TRAPPC9: variants seen among roughly 807,000 people sequenced by gnomAD.
The protein encoded by TRAPPC9 is trafficking protein particle complex subunit 9, also known as IKK2 binding protein.
TRAPPC9 carries 83 observed loss-of-function variants against 124.0 expected under a neutral mutation model. The ratio of observed to expected loss-of-function variants is 0.67; its 90% confidence interval spans 0.56 to 0.80. TRAPPC9 has a LOEUF of 0.80. TRAPPC9 is among the 30% of genes least tolerant of loss of function. TRAPPC9 has a pLI of 0.00. For synonymous variants in TRAPPC9, 638 were observed against 617.5 expected (o/e 1.03, Z -0.49); for missense variants, 1,302 against 1,508.3 (o/e 0.86, Z 2.27).
chr8:139,760,550 T>C (rs1201412793), intron 21 of TRAPPC9, among the ~76,000 whole-genome samples: 1 of 152,230 alleles, frequency 6.6e-6, no homozygotes, highest in Non-Finnish European at 1.5e-5. Context: ...CATTTCCTCA[T>C]TCATTTCTGC....
At chr8:140,019,656 G>A (rs908702642) in intron 18 of TRAPPC9, among the ~76,000 whole-genome samples, 6 of 143,560 alleles carry the variant, frequency 4.2e-5, no homozygotes, top group South Asian at 2.3e-4. Flanking sequence ...GGGTTCAAGC[G>A]ATTCTCATGC....
intron 17 of TRAPPC9, among the ~76,000 whole-genome samples, chr8:140,086,562 C>T (rs1844196568): frequency 1.3e-5 from 2 of 152,136 alleles, no homozygotes; most frequent in Admixed American, 6.5e-5. Context: ...CTGCTCCACC[C>T]GTCTCTTCCA....
At chr8:139,743,633 T>C (rs533165644) in intron 21 of TRAPPC9, among the ~76,000 whole-genome samples, 1 of 152,306 alleles carries the variant, frequency 6.6e-6, no homozygotes, top group Admixed American at 6.5e-5. Context: ...CCTCTTTAGA[T>C]GAAGCAAAAT....
intron 21 of TRAPPC9, among the ~76,000 whole-genome samples, chr8:139,821,472 G>C (rs577450106): frequency 6.6e-6 from 1 of 152,162 alleles, no homozygotes; most frequent in African/African-American, 2.4e-5. Flanking sequence ...GCAGGACCCC[G>C]CTTCTGTAAA....
intron 22 of TRAPPC9, among the ~76,000 whole-genome samples, 162 bp from the exon 23 acceptor site, chr8:139,731,390 C>T (rs112164641): frequency 5.9e-5 from 9 of 152,302 alleles, no homozygotes; most frequent in East Asian, 1.9e-4. Context: ...TGCGCCTCTC[C>T]GAGCCAGTTT....
chr8:140,434,420 A>C (rs566004430), intron 4 of TRAPPC9, among the ~76,000 whole-genome samples: 3 of 152,294 alleles, frequency 2.0e-5, no homozygotes, highest in African/African-American at 4.8e-5. Context: ...CAAATCAAAC[A>C]ACTCATTGAG....
intron 21 of TRAPPC9, among the ~76,000 whole-genome samples, chr8:139,798,122 C>T (rs1823229582): frequency 6.6e-6 from 1 of 152,188 alleles, no homozygotes. Context: ...ATTAAGTCTT[C>T]CAATCCATGA....
chr8:140,043,846 C>T (rs1396626246), intron 17 of TRAPPC9, among the ~76,000 whole-genome samples: 1 of 152,186 alleles, frequency 6.6e-6, no homozygotes, highest in East Asian at 1.9e-4. Context: ...AGCATGGTGA[C>T]GTGGGCCCCA....
chr8:140,293,593 T>A (rs1363960322), intron 11 of TRAPPC9, among the ~76,000 whole-genome samples: 2 of 152,180 alleles, frequency 1.3e-5, no homozygotes, highest in Admixed American at 6.5e-5. Flanking sequence ...GAAATCATCA[T>A]TCTCAGTAAA....
chr8:140,129,815 G>A (rs1049009249), intron 17 of TRAPPC9, among the ~76,000 whole-genome samples: 2 of 152,236 alleles, frequency 1.3e-5, no homozygotes, highest in Non-Finnish European at 2.9e-5. Flanking sequence ...GTTTTGCGAT[G>A]TATAGAGATG....
chr8:140,446,480 A>C (rs2132675327), intron 2 of TRAPPC9, among the ~76,000 whole-genome samples: 1 of 152,294 alleles, frequency 6.6e-6, no homozygotes, highest in East Asian at 1.9e-4. Flanking sequence ...GTGAACTAGA[A>C]GGCCGTATTT....
At chr8:139,910,574 T>C (rs1831659721) in intron 19 of TRAPPC9, among the ~76,000 whole-genome samples, 1 of 152,164 alleles carries the variant, frequency 6.6e-6, no homozygotes, top group Non-Finnish European at 1.5e-5. Context: ...TTCAATTCCA[T>C]AACACAGCAA....
chr8:140,103,217 T>G (rs1222832852), intron 17 of TRAPPC9, among the ~76,000 whole-genome samples: 1 of 152,210 alleles, frequency 6.6e-6, no homozygotes, highest in East Asian at 1.9e-4. Flanking sequence ...TCGATGACAA[T>G]TGTTTACGAG....
chr8:139,857,893 C>T (rs1424590324), intron 21 of TRAPPC9, among the ~76,000 whole-genome samples: 6 of 152,238 alleles, frequency 3.9e-5, no homozygotes, highest in Non-Finnish European at 8.8e-5. Flanking sequence ...AGGCAGTTGT[C>T]CCCATCTCTA....
chr8:140,187,518 A>G (rs2062379525), intron 17 of TRAPPC9, among the ~76,000 whole-genome samples: 1 of 152,194 alleles, frequency 6.6e-6, no homozygotes, highest in Non-Finnish European at 1.5e-5. Context: ...ATGTCATTGA[A>G]AAAATTCCAG....
intron 19 of TRAPPC9, among the ~76,000 whole-genome samples, chr8:139,951,649 G>A (rs1295448228): frequency 6.6e-6 from 1 of 152,222 alleles, no homozygotes; most frequent in Admixed American, 6.5e-5. Flanking sequence ...CAGAGTTAGA[G>A]GCTGGGAGGC....
intron 17 of TRAPPC9, among the ~76,000 whole-genome samples, chr8:140,039,109 G>A (rs1472730825): frequency 2.0e-5 from 3 of 152,204 alleles, no homozygotes; most frequent in Non-Finnish European, 4.4e-5. Flanking sequence ...TTAGCCCTAC[G>A]CTACTGTACC....
intron 2 of TRAPPC9, among the ~76,000 whole-genome samples, chr8:140,444,867 G>GGAAAAAAAA (rs71520283): frequency 2.6e-5 from 3 of 113,984 alleles, no homozygotes; most frequent in Non-Finnish European, 3.6e-5. Context: ...CCAATCTCAG[G>GGAAAAAAAA]AAAAAAAAAA....
In TRAPPC9 at chr8:140,087,115, GGTC is replaced by G. The variant is rs112768283; in HGVS notation, c.2557-63039_2557-63037del. Among the ~76,000 whole-genome samples the G allele has an allele frequency of 3.3e-5, 5 of 152,204 alleles. No individual in the cohort carries two copies. Among genetic ancestry groups the G allele is most frequent in the African/African-American group, 1.2e-4 (5 of 41,516 alleles). ...GACTCTTTCCAATCTCAAAGCCAGT[GGTC>G]AACATCCTGGCCTTGTCTTCCTGAC... On this transcript the variant is annotated intron_variant, in intron 17 of 22. Coordinates refer to ENST00000438773, the MANE Select transcript of TRAPPC9 (RefSeq NM_001160372.4). The surrounding 1 kb of genome is among the most constrained non-coding windows in gnomAD (Gnocchi z 4.6).
Sources: allele counts gnomAD v4.1 joint callset (sites outside exome capture counted in the v4.1 genomes callset), GRCh38; gene constraint gnomAD v4.1.1; non-coding constraint Gnocchi (gnomAD v3.1); transcripts MANE v1.5; gene names NCBI Gene and HGNC (gene_info 2026-07-23, HGNC 2026-07-21).